TRNAU1AP: variants seen among roughly 807,000 people sequenced by gnomAD.
The protein encoded by TRNAU1AP is tRNA selenocysteine 1-associated protein 1.
A neutral mutation model predicts 43.3 loss-of-function variants in TRNAU1AP; 33 were observed. The observed-to-expected ratio is 0.76, with a 90% CI of 0.58 to 1.02. The LOEUF (loss-of-function observed/expected upper bound fraction) is 1.02, where lower values mean the gene tolerates loss of function less well. TRNAU1AP is among the 50% of genes least tolerant of loss of function. TRNAU1AP has a pLI of 0.00. For missense variants in TRNAU1AP, 290 were observed against 362.7 expected (o/e 0.80, Z 1.63); for synonymous variants, 143 against 129.1 (o/e 1.11, Z -0.73).
chr1:28,563,271 C>T (rs952857288), intron 4 of TRNAU1AP, among the ~76,000 whole-genome samples: 11 of 148,420 alleles, frequency 7.4e-5, no homozygotes, highest in South Asian at 2.3e-4. Flanking sequence ...AAAGGTAGGC[C>T]GGGTGCGGTG....
At chr1:28,576,718 G>C (rs947786796) in intron 8 of TRNAU1AP, among the ~76,000 whole-genome samples, 9 of 152,324 alleles carry the variant, frequency 5.9e-5, no homozygotes, top group African/African-American at 2.2e-4. Context: ...TCCTGCCTCA[G>C]CCTCCCGAGT....
At chr1:28,571,761 T>G in intron 7 of TRNAU1AP, 106 bp from the exon 8 acceptor site, 1 of 777,860 alleles carries the variant, frequency 1.3e-6, no homozygotes, top group Non-Finnish European at 2.1e-6. Flanking sequence ...CTAGTCTGGG[T>G]GACAGAGCTA....
intron 6 of TRNAU1AP, among the ~76,000 whole-genome samples, chr1:28,570,357 C>T (rs943926491): frequency 2.0e-5 from 3 of 152,052 alleles, no homozygotes; most frequent in Admixed American, 6.6e-5. Context: ...AAGCGATTCT[C>T]CTGCCTCAGC....
At chr1:28,559,894 G>A (rs974989338) in intron 2 of TRNAU1AP, among the ~76,000 whole-genome samples, 64 of 152,254 alleles carry the variant, frequency 4.2e-4, no homozygotes, top group African/African-American at 1.5e-3. Flanking sequence ...AACTTTGGGA[G>A]GCCGAAGTGG....
intron 7 of TRNAU1AP, 107 bp from the exon 8 acceptor site, chr1:28,571,760 G>C (rs1665665820): frequency 1.3e-6 from 1 of 774,878 alleles, no homozygotes; most frequent in Non-Finnish European, 2.1e-6. Context: ...TCTAGTCTGG[G>C]TGACAGAGCT....
Position 28,577,929 on chromosome 1 carries a change from G to T in TRNAU1AP, c.*293G>T. On this transcript the variant is annotated 3_prime_UTR_variant, in exon 9 of 9. Transcript: ENST00000373830. ...ATCCAAAACTGGGATGAGCAGCTTG[G>T]GATAATTCACACACTAAAGCCTGAG... is the stretch of plus-strand genomic sequence containing the variant. The T allele has an allele frequency of 4.0e-6, 1 of 247,314 alleles. No individual in the cohort carries two copies. Among genetic ancestry groups the T allele is most frequent in the Non-Finnish European group, 7.8e-6 (1 of 128,232 alleles). 15.3% of individuals were successfully genotyped at this position (247,314 alleles called of 1,614,324 possible).
rs760580348 is a variant in TRNAU1AP, at chr1:28,561,406, C to G, written c.278+8C>G. The G allele has an allele frequency of 4.3e-6, 7 of 1,613,988 alleles. No homozygotes were observed. In the South Asian group the frequency reaches 7.7e-5, roughly 18 times the overall value. On this transcript the variant is annotated splice_region_variant and intron_variant, in intron 4 of 8. Transcript: ENST00000373830. ...GAAACAACCAGATAACAGGTAGGTACAAAGTCATGTCTAGACAGACATAAG... is the reference window on the plus strand; with the variant it reads ...GAAACAACCAGATAACAGGTAGGTAGAAAGTCATGTCTAGACAGACATAAG...
chr1:28,564,965 C>G (rs1665505384), intron 5 of TRNAU1AP, 131 bp downstream of exon 5: 1 of 1,078,738 alleles, frequency 9.3e-7, no homozygotes, highest in East Asian at 2.4e-5. Context: ...CTGCCTGGTT[C>G]AAATCCCAGC....
chr1:28,563,755 GGCAAGAGAATC>G (rs1315170168), intron 4 of TRNAU1AP, among the ~76,000 whole-genome samples: 1 of 152,028 alleles, frequency 6.6e-6, no homozygotes, highest in Non-Finnish European at 1.5e-5. Context: ...GGGCGGCTGA[GGCAAGAGAATC>G]GCTTAAACCC....
rs562782194 is a variant in TRNAU1AP, at chr1:28,576,443, C to T, written c.728-1057C>T. Among the ~76,000 whole-genome samples, 416 of 151,686 alleles carry T rather than the reference C, an allele frequency of 2.7e-3. 1 individual carries two copies. The highest frequency in any genetic ancestry group is 5.0e-3 in the Non-Finnish European group (339 of 67,900). ...AAGCGATTCTCCTGCCTCAGCCTCC[C>T]GAGTAGCTGGGACTACAGGTGCCTG... On this transcript the variant is annotated intron_variant, in intron 8 of 8. Coordinates refer to ENST00000373830, the MANE Select transcript of TRNAU1AP (RefSeq NM_017846.5).
chr1:28,563,821 C>T (rs1221041053), intron 4 of TRNAU1AP, among the ~76,000 whole-genome samples: 1 of 152,006 alleles, frequency 6.6e-6, no homozygotes, highest in Non-Finnish European at 1.5e-5. Context: ...CACTGCACTC[C>T]AGCCTAGGTG....
chr1:28,575,096 A>G (rs1665744703), intron 8 of TRNAU1AP, among the ~76,000 whole-genome samples: 1 of 152,170 alleles, frequency 6.6e-6, no homozygotes, highest in Non-Finnish European at 1.5e-5. Context: ...CTTTCTAGAG[A>G]TAATTAGCCT....
At chr1:28,559,335 C>T (rs185844278) in intron 2 of TRNAU1AP, among the ~76,000 whole-genome samples, 1 of 152,172 alleles carries the variant, frequency 6.6e-6, no homozygotes, top group African/African-American at 2.4e-5. Flanking sequence ...TTTATAAGAG[C>T]CTATATTCTG....
intron 3 of TRNAU1AP, 135 bp from the exon 4 acceptor site, chr1:28,561,211 A>G: frequency 1.3e-6 from 2 of 1,484,392 alleles, no homozygotes; most frequent in Non-Finnish European, 1.8e-6. Context: ...CCCTCATTTT[A>G]TACAGGAGAA....
At position 28,571,236 on chromosome 1, in the gene TRNAU1AP, T is replaced by C. The variant is rs931088736; in HGVS notation, c.591T>C (p.Tyr197=). Residue 197 remains tyrosine, a synonymous_variant, in exon 7 of 9, where the codon TAT becomes TAC. Transcript: ENST00000373830. The part of the protein sequence containing the change: ...QMYSYSYNQY[Y]QQYQNYYAQW... Reference sequence around the variant, plus strand: ...ACAGTTATAGCTACAACCAGTATTATCAGCAGTACCAGAACTACTATGCTC... The same window carrying C: ...ACAGTTATAGCTACAACCAGTATTACCAGCAGTACCAGAACTACTATGCTC... 1.9e-5 allele frequency: 31 copies of C among 1,613,980 alleles called. No individual in the cohort carries two copies. The highest frequency in any genetic ancestry group is 4.0e-5 in the African/African-American group (3 of 74,926).
In TRNAU1AP at chr1:28,560,733, G is replaced by C; in HGVS notation, c.225+1G>C. The stretch of plus-strand genomic sequence containing the variant: ...GAAACCCCTTCCAGGAGCCACACCT[G>C]TAAGGACATTTAGATAATGATGATG... On this transcript the variant is annotated splice_donor_variant, in intron 3 of 8. Transcript: ENST00000373830. LOFTEE classifies it high-confidence loss of function. 16 of 1,608,570 alleles carry C rather than the reference G, an allele frequency of 9.9e-6. No homozygotes were observed. Among genetic ancestry groups the C allele is most frequent in the Non-Finnish European group, 1.4e-5 (16 of 1,175,284 alleles).
rs374585114 is a variant in TRNAU1AP at position 28,564,500 on chromosome 1, G to A, written c.279-203G>A. Among the ~76,000 whole-genome samples, 63 of 152,326 alleles carry A rather than the reference G, an allele frequency of 4.1e-4. No individual in the cohort carries two copies. In the South Asian group the frequency reaches 4.3e-3, roughly 11 times the overall value. On this transcript the variant is annotated intron_variant, in intron 4 of 8. Coordinates refer to ENST00000373830, the MANE Select transcript of TRNAU1AP (RefSeq NM_017846.5). The stretch of plus-strand genomic sequence containing the variant: ...GAAGTCAGACAAGTTCTGTGGAGTG[G>A]GTGAGGGATTTGGGGCAGGGACTAT...
chr1:28,573,482 T>C (rs1223040936), intron 8 of TRNAU1AP, among the ~76,000 whole-genome samples: 2 of 150,856 alleles, frequency 1.3e-5, no homozygotes, highest in South Asian at 2.1e-4. Context: ...CTACTAAAAA[T>C]AAAAAAATTG....
At chr1:28,556,658 C>T (rs190760318) in intron 2 of TRNAU1AP, among the ~76,000 whole-genome samples, 4 of 151,914 alleles carry the variant, frequency 2.6e-5, no homozygotes, top group African/African-American at 9.6e-5. Flanking sequence ...ATTACAAGCA[C>T]CTGCCACCAC....
Sources: allele counts gnomAD v4.1 joint callset (sites outside exome capture counted in the v4.1 genomes callset), GRCh38; gene constraint gnomAD v4.1.1; transcripts MANE v1.5; gene names NCBI Gene and HGNC (gene_info 2026-07-23, HGNC 2026-07-21).